Variants in TBX4 observed in about 807,000 individuals in gnomAD.
TBX4 encodes T-box transcription factor TBX4.
TBX4 carries 13 observed loss-of-function variants against 54.6 expected under a neutral mutation model. The ratio of observed to expected loss-of-function variants is 0.24; its 90% CI spans 0.15 to 0.38. TBX4 has a LOEUF of 0.38. Among genes scored for constraint, TBX4 ranks in the 10% least tolerant of loss-of-function variants. The pLI is 1.00. For missense variants in TBX4, 631 were observed against 728.5 expected (o/e 0.87, Z 1.54); for synonymous variants, 314 against 306.7 (o/e 1.02, Z -0.25).
rs896636571 is a variant in TBX4 at position 61,475,670 on chromosome 17, G to A, written c.550-2957G>A. 5.9e-5 allele frequency among the ~76,000 whole-genome samples: 9 copies of A among 152,158 alleles called. No individual in the cohort carries two copies. The highest frequency in any genetic ancestry group is 1.3e-4 in the Admixed American group (2 of 15,288). On this transcript the variant is annotated intron_variant, in intron 5 of 8. Coordinates refer to ENST00000644296, the MANE Select transcript of TBX4 (RefSeq NM_001321120.2). The surrounding 1 kb of genome is among the most constrained non-coding windows in gnomAD (Gnocchi z 5.0). ...ATGATGATACCCAGGGCTTTGACGA[G>A]CCCACGACTGCTTGTGACTGCCCAG...
chr17:61,466,342 A>G (rs755809217), intron 4 of TBX4, among the ~76,000 whole-genome samples: 10 of 152,114 alleles, frequency 6.6e-5, no homozygotes, highest in Non-Finnish European at 1.2e-4. Flanking sequence ...AGGGCAAGCC[A>G]TTACCTGCTG....
rs56105625 is a variant in TBX4 at position 61,484,945 on chromosome 17, A to AATATATATATATATATATATATAT, written c.*1433_*1456dup. 1 of 140,618 alleles carries AATATATATATATATATATATATAT rather than the reference A, an allele frequency of 7.1e-6. No homozygotes were observed. Among genetic ancestry groups the AATATATATATATATATATATATAT allele is most frequent in the East Asian group, 2.0e-4 (1 of 4,960 alleles). The allele number at this position is 140,618 out of a possible 1,614,324, so 8.7% of individuals were successfully genotyped here. A position where few individuals can be genotyped will look rare whatever the true frequency, so the allele number is the denominator to read the frequency against. ...ATGGTTTAGATAAAACATATAAATAAATATATATATATATATATATATATA... is the reference window on the plus strand; with the variant it reads ...ATGGTTTAGATAAAACATATAAATAAATATATATATATATATATATATATATATATATATATATATATATATATA... On this transcript the variant is annotated 3_prime_UTR_variant, in exon 9 of 9. Transcript: ENST00000644296. The surrounding 1 kb of genome is among the most constrained non-coding windows in gnomAD (Gnocchi z 4.1).
At chr17:61,466,374 C>T (rs999325598) in intron 4 of TBX4, among the ~76,000 whole-genome samples, 2 of 152,188 alleles carry the variant, frequency 1.3e-5, no homozygotes, top group Non-Finnish European at 2.9e-5. Context: ...TCGCCTGTTT[C>T]TCCATGTTCT....
chr17:61,474,987 C>A lies in TBX4; in HGVS notation c.550-3640C>A, dbSNP rs1263288055. Among the ~76,000 whole-genome samples, 1 of 152,192 alleles carries A rather than the reference C, an allele frequency of 6.6e-6. No individual in the cohort carries two copies. The highest frequency in any genetic ancestry group is 1.5e-5 in the Non-Finnish European group (1 of 68,030). On this transcript the variant is annotated intron_variant, in intron 5 of 8. Coordinates refer to ENST00000644296, the MANE Select transcript of TBX4 (RefSeq NM_001321120.2). The surrounding 1 kb of genome is among the most constrained non-coding windows in gnomAD (Gnocchi z 4.6). Reference sequence around the variant, plus strand: ...AAAGGCCCCACTTCATAGATGGGGACCCCAATGGTTGGAGAAGGAGAAGAG... The same window carrying A: ...AAAGGCCCCACTTCATAGATGGGGAACCCAATGGTTGGAGAAGGAGAAGAG...
At position 61,478,540 on chromosome 17, in the gene TBX4, A is replaced by G. The variant is rs2038024502; in HGVS notation, c.550-87A>G. On this transcript the variant is annotated intron_variant, in intron 5 of 8. Transcript: ENST00000644296. The surrounding 1 kb of genome is among the most constrained non-coding windows in gnomAD (Gnocchi z 7.4). The stretch of plus-strand genomic sequence containing the variant: ...CTGGGCTTTGAGGAGAATGAGAAAA[A>G]CCAGGCCAGGGCCAGAAGAATGAGG... 6.3e-7 allele frequency: 1 copy of G among 1,582,966 alleles called. No homozygotes were observed. Among genetic ancestry groups the G allele is most frequent in the Non-Finnish European group, 8.7e-7 (1 of 1,152,804 alleles).
chr17:61,482,110 C>T (rs1238237744), intron 8 of TBX4, among the ~76,000 whole-genome samples: 4 of 152,186 alleles, frequency 2.6e-5, no homozygotes, highest in Admixed American at 1.3e-4. Context: ...GCTCCCCAAA[C>T]CCTCAGGCCT....
At position 61,479,043 on chromosome 17, in the gene TBX4, A is replaced by T. The variant is rs910861794; in HGVS notation, c.702+264A>T. On this transcript the variant is annotated intron_variant, in intron 6 of 8. Coordinates refer to ENST00000644296, the MANE Select transcript of TBX4 (RefSeq NM_001321120.2). The surrounding 1 kb of genome is among the most constrained non-coding windows in gnomAD (Gnocchi z 6.1). ...AATGGAGAAAATTGGCAACTGTAAA[A>T]ACCAGGAGCTTGGAGTCTGCCTTGT... Among the ~76,000 whole-genome samples the T allele has an allele frequency of 1.3e-5, 2 of 152,172 alleles. No individual in the cohort carries two copies.
rs112149067 is a variant in TBX4 at position 61,474,663 on chromosome 17, C to T, written c.550-3964C>T. Among the ~76,000 whole-genome samples, 4 of 152,332 alleles carry T rather than the reference C, an allele frequency of 2.6e-5. No individual in the cohort carries two copies. The highest frequency in any genetic ancestry group is 9.6e-5 in the African/African-American group (4 of 41,586). On this transcript the variant is annotated intron_variant, in intron 5 of 8. Transcript: ENST00000644296. This position sits in a 1 kb window ranked among gnomAD's most constrained non-coding sequence, Gnocchi z 4.6. ...CATAATGAATCCCATTTCTGTGAAA[C>T]GATGATGACGGAACCAGTCATGTAG...
intron 4 of TBX4, among the ~76,000 whole-genome samples, 178 bp from the exon 5 acceptor site, chr17:61,467,332 T>C (rs2060543857): frequency 6.6e-6 from 1 of 152,186 alleles, no homozygotes; most frequent in African/African-American, 2.4e-5. Context: ...TCTCTCCTCC[T>C]CAGCATTCTC....
rs935312287 is a variant in TBX4 at position 61,462,288 on chromosome 17, G to A, written c.282-3531G>A. 1.8e-4 allele frequency among the ~76,000 whole-genome samples: 27 copies of A among 152,174 alleles called. No individual in the cohort carries two copies. The highest frequency in any genetic ancestry group is 5.8e-4 in the African/African-American group (24 of 41,450). On this transcript the variant is annotated intron_variant, in intron 3 of 8. Transcript: ENST00000644296. The surrounding 1 kb of genome is among the most constrained non-coding windows in gnomAD (Gnocchi z 4.5). ...AGCCCCGGGCTTTCATCTCCTCCCG[G>A]GCCGGCGAGCAGGCGGCTTGTTTAT...
intron 4 of TBX4, among the ~76,000 whole-genome samples, chr17:61,467,238 C>T (rs938804854): frequency 6.6e-6 from 1 of 152,126 alleles, no homozygotes; most frequent in African/African-American, 2.4e-5. Context: ...TGATTAGCCC[C>T]AGTCCTTCAA....
intron 1 of TBX4, chr17:61,452,823 G>T: frequency 4.0e-6 from 3 of 756,198 alleles, no homozygotes; most frequent in Non-Finnish European, 4.8e-6. Context: ...TGAGTAACGC[G>T]ATGAATTGGG....
rs1295549965 is a variant in TBX4, at chr17:61,481,354, G to A, written c.1021+1035G>A. 1 of 152,070 alleles carries A rather than the reference G, an allele frequency of 6.6e-6. No individual in the cohort carries two copies. The highest frequency in any genetic ancestry group is 1.5e-5 in the Non-Finnish European group (1 of 68,014). 9.4% of individuals were successfully genotyped at this position (152,070 alleles called of 1,614,324 possible). ...TCTACGGCTGCTTTCATGGTACAAC[G>A]GCAGAGTTTCGTAGTTGCAACAGAT... On this transcript the variant is annotated intron_variant, in intron 8 of 8. Coordinates refer to ENST00000644296, the MANE Select transcript of TBX4 (RefSeq NM_001321120.2). This position sits in a 1 kb window ranked among gnomAD's most constrained non-coding sequence, Gnocchi z 4.8.
At chr17:61,482,798 C>A in intron 8 of TBX4, 99 bp from the exon 9 acceptor site, 2 of 1,548,750 alleles carry the variant, frequency 1.3e-6, no homozygotes, top group Non-Finnish European at 1.7e-6. Context: ...GGAGGGCGGG[C>A]GCAGAGGGAC....
chr17:61,471,908 T>A lies in TBX4; in HGVS notation c.549+4251T>A, dbSNP rs997103455. Among the ~76,000 whole-genome samples the A allele has an allele frequency of 4.7e-3, 678 of 145,378 alleles. 4 individuals are homozygous for A. Among genetic ancestry groups the A allele is most frequent in the African/African-American group, 0.017 (657 of 38,840 alleles). On this transcript the variant is annotated intron_variant, in intron 5 of 8. Transcript: ENST00000644296. ...GCCCAGCTAATTTTTTTTTTTTTTT[T>A]TTTTTTTTTTTTTTTAGTAGAGACA...
Position 61,464,795 on chromosome 17 carries a change from T to C in TBX4, c.282-1024T>C, listed in dbSNP as rs184769509. ...TGTGCTGTTGTGTGTGCGTATGTGC[T>C]GAGGGGTGTGCGGAAGCCCCCTCTA... On this transcript the variant is annotated intron_variant, in intron 3 of 8. Transcript: ENST00000644296. This position sits in a 1 kb window ranked among gnomAD's most constrained non-coding sequence, Gnocchi z 5.8. 9.0e-4 allele frequency among the ~76,000 whole-genome samples: 137 copies of C among 152,294 alleles called. 2 individuals carry two copies. Among genetic ancestry groups the C allele is most frequent in the Non-Finnish European group, 1.7e-3 (114 of 68,014 alleles).
chr17:61,478,496 G>C lies in TBX4; in HGVS notation c.550-131G>C. 7.8e-7 allele frequency: 1 copy of C among 1,285,690 alleles called. No homozygotes were observed. Among genetic ancestry groups the C allele is most frequent in the East Asian group, 2.4e-5 (1 of 42,342 alleles). The allele number at this position is 1,285,690 out of a possible 1,614,324, so 79.6% of individuals were successfully genotyped here. Reference sequence around the variant, plus strand: ...TTCTTCACTTGGGAGCTCCAGTCCTGGTCGGTAGGCCCCGGATCCTGGGCT... The same window carrying C: ...TTCTTCACTTGGGAGCTCCAGTCCTCGTCGGTAGGCCCCGGATCCTGGGCT... On this transcript the variant is annotated intron_variant, in intron 5 of 8. Coordinates refer to ENST00000644296, the MANE Select transcript of TBX4 (RefSeq NM_001321120.2). The surrounding 1 kb of genome is among the most constrained non-coding windows in gnomAD (Gnocchi z 7.4).
Position 61,479,969 on chromosome 17 carries a change from G to A in TBX4, c.791G>A (p.Ser264Asn), listed in dbSNP as rs1303548938. The change falls in exon 7 of 9, where the codon AGC becomes AAC. Residue 264 changes from serine to asparagine, a missense_variant and splice_region_variant. Physicochemically the swap from Ser to Asn is conservative, Grantham distance 46. Transcript: ENST00000644296. The surrounding 1 kb of genome is among the most constrained non-coding windows in gnomAD (Gnocchi z 6.1). ...GACCTGCGTGTGGCCCGACTGCAGAGGTGGGGCTGCGTAGCCTGGGGGTGG... is the reference window on the plus strand; with the variant it reads ...GACCTGCGTGTGGCCCGACTGCAGAAGTGGGGCTGCGTAGCCTGGGGGTGG... ...DSDLRVARLQ[S>N]KEYPVISKSI... The A allele has an allele frequency of 6.2e-7, 1 of 1,614,088 alleles. No homozygotes were observed. The highest frequency in any genetic ancestry group is 8.5e-7 in the Non-Finnish European group (1 of 1,179,988).
chr17:61,460,888 C>T lies in TBX4; in HGVS notation c.281+3257C>T, dbSNP rs1053658160. Among the ~76,000 whole-genome samples, 3 of 152,172 alleles carry T rather than the reference C, an allele frequency of 2.0e-5. No homozygotes were observed. The highest frequency in any genetic ancestry group is 7.2e-5 in the African/African-American group (3 of 41,434). On this transcript the variant is annotated intron_variant, in intron 3 of 8. Transcript: ENST00000644296. The surrounding 1 kb of genome is among the most constrained non-coding windows in gnomAD (Gnocchi z 4.4). ...GCTTGTGTTAGTGACAGTGAATTTGCGTTTGAAAAATGAACTACCGATGAG... is the reference window on the plus strand; with the variant it reads ...GCTTGTGTTAGTGACAGTGAATTTGTGTTTGAAAAATGAACTACCGATGAG...
Sources: allele counts gnomAD v4.1 joint callset (sites outside exome capture counted in the v4.1 genomes callset), GRCh38; gene constraint gnomAD v4.1.1; non-coding constraint Gnocchi (gnomAD v3.1); transcripts MANE v1.5; gene names NCBI Gene and HGNC (gene_info 2026-07-23, HGNC 2026-07-21).